Variants in CACNB2 observed in about 807,000 individuals in gnomAD.
The protein encoded by CACNB2 is voltage-dependent L-type calcium channel subunit beta-2.
CACNB2 carries 42 observed loss-of-function variants against 73.3 expected under a neutral mutation model. The observed-to-expected ratio is 0.57, with a 90% CI of 0.45 to 0.74. CACNB2 has a LOEUF of 0.74. Among genes scored for constraint, CACNB2 ranks in the 30% least tolerant of loss-of-function variants. The pLI, the probability that CACNB2 is intolerant of heterozygous loss-of-function variation, is 0.00. For synonymous variants in CACNB2, 348 were observed against 310.3 expected (o/e 1.12, Z -1.28); for missense variants, 940 against 853.0 (o/e 1.10, Z -1.27).
intron 11 of CACNB2, among the ~76,000 whole-genome samples, chr10:18,534,632 T>A (rs570769803): frequency 2.6e-5 from 4 of 152,376 alleles, no homozygotes; most frequent in Admixed American, 1.3e-4. Flanking sequence ...GCCACCATGC[T>A]TTCGCAGTTT....
At chr10:18,356,639 A>AT (rs199790817) in intron 2 of CACNB2, among the ~76,000 whole-genome samples, 4,729 of 144,252 alleles carry the variant, frequency 0.033, 127 homozygotes, top group African/African-American at 0.069. Context: ...TTTCTCCTTC[A>AT]TTTTTTTTTT....
intron 2 of CACNB2, among the ~76,000 whole-genome samples, chr10:18,216,158 G>A (rs2035503621): frequency 6.6e-6 from 1 of 151,482 alleles, no homozygotes; most frequent in East Asian, 1.9e-4. Context: ...ATAGCCAAAT[G>A]TGTTGGTGCA....
chr10:18,428,846 A>G (rs2045739348), intron 3 of CACNB2, among the ~76,000 whole-genome samples: 1 of 152,244 alleles, frequency 6.6e-6, no homozygotes, highest in South Asian at 2.1e-4. Flanking sequence ...TTAACCAGTT[A>G]AGGACTTTGG....
intron 2 of CACNB2, among the ~76,000 whole-genome samples, chr10:18,221,785 A>G (rs1456258086): frequency 6.6e-6 from 1 of 152,250 alleles, no homozygotes. Context: ...TGAAAATCAT[A>G]TCTTTCTCTC....
chr10:18,222,125 C>G (rs1034303302), intron 2 of CACNB2, among the ~76,000 whole-genome samples: 1 of 152,158 alleles, frequency 6.6e-6, no homozygotes, highest in South Asian at 2.1e-4. Context: ...ACACCTGTGA[C>G]GTGTCCTGCC....
intron 2 of CACNB2, among the ~76,000 whole-genome samples, chr10:18,234,621 G>T (rs1157724993): frequency 6.6e-6 from 1 of 152,176 alleles, no homozygotes; most frequent in Non-Finnish European, 1.5e-5. Context: ...TCACAAAAAG[G>T]ACAAATATGG....
chr10:18,386,399 A>ATTTTTTTTTT (rs10637329), intron 2 of CACNB2, among the ~76,000 whole-genome samples: 19 of 106,518 alleles, frequency 1.8e-4, no homozygotes, highest in East Asian at 3.0e-4. Context: ...TTTATTTATG[A>ATTTTTTTTTT]TTTTTTTTTT....
chr10:18,264,370 G>A (rs977254832), intron 2 of CACNB2, among the ~76,000 whole-genome samples: 1 of 152,180 alleles, frequency 6.6e-6, no homozygotes, highest in Non-Finnish European at 1.5e-5. Flanking sequence ...TATTATCGAA[G>A]TATAACATAC....
chr10:18,434,103 A>C (rs746193745), intron 3 of CACNB2, among the ~76,000 whole-genome samples: 1 of 152,170 alleles, frequency 6.6e-6, no homozygotes, highest in South Asian at 2.1e-4. Flanking sequence ...AACATTGGGA[A>C]TTTTGGCCAT....
intron 2 of CACNB2, among the ~76,000 whole-genome samples, chr10:18,341,830 G>T (rs1282705085): frequency 6.6e-6 from 1 of 152,086 alleles, no homozygotes; most frequent in African/African-American, 2.4e-5. Context: ...CTTCTATGTT[G>T]TATCATATAA....
At chr10:18,464,652 A>C (rs1321454681) in intron 3 of CACNB2, among the ~76,000 whole-genome samples, 2 of 152,072 alleles carry the variant, frequency 1.3e-5, no homozygotes, top group African/African-American at 4.8e-5. Flanking sequence ...TAATAACTCT[A>C]AAATACACCC....
chr10:18,168,505 G>GTGTC (rs2033019271), intron 2 of CACNB2, among the ~76,000 whole-genome samples: 1 of 151,902 alleles, frequency 6.6e-6, no homozygotes. Context: ...CTTTGTGTGT[G>GTGTC]TGTGTGTGTG....
intron 2 of CACNB2, among the ~76,000 whole-genome samples, chr10:18,260,186 A>G (rs1106380): frequency 0.19 from 28,907 of 152,082 alleles, 2,920 homozygotes; most frequent in East Asian, 0.35. Flanking sequence ...TAGGTGTGAC[A>G]TTTACATGGT....
chr10:18,273,009 T>G (rs1048225102), intron 2 of CACNB2, among the ~76,000 whole-genome samples: 8 of 152,228 alleles, frequency 5.3e-5, no homozygotes, highest in Non-Finnish European at 1.2e-4. Flanking sequence ...TAATGTTTAA[T>G]AATCTCTCAA....
chr10:18,225,756 C>T (rs2035968338), intron 2 of CACNB2, among the ~76,000 whole-genome samples: 2 of 152,172 alleles, frequency 1.3e-5, no homozygotes, highest in South Asian at 4.2e-4. Flanking sequence ...CTTCCCACCT[C>T]AGTCACCCTA....
chr10:18,283,142 A>G (rs1588932069), intron 2 of CACNB2, among the ~76,000 whole-genome samples: 2 of 152,322 alleles, frequency 1.3e-5, no homozygotes, highest in East Asian at 3.9e-4. Context: ...CACCAGTTAG[A>G]TGGCAATCAT....
At chr10:18,406,457 G>A (rs565499108) in intron 3 of CACNB2, among the ~76,000 whole-genome samples, 29 of 152,234 alleles carry the variant, frequency 1.9e-4, no homozygotes, top group East Asian at 7.7e-4. Context: ...CCTGAGCTCC[G>A]CCTCCTGTCA....
intron 2 of CACNB2, among the ~76,000 whole-genome samples, chr10:18,371,353 C>T (rs1169614040): frequency 1.3e-5 from 2 of 152,090 alleles, no homozygotes; most frequent in Non-Finnish European, 2.9e-5. Flanking sequence ...CTATCCCTCC[C>T]CCCTTTCCCC....
At chr10:18,307,975 T>C (rs1037332020) in intron 2 of CACNB2, among the ~76,000 whole-genome samples, 1 of 142,396 alleles carries the variant, frequency 7.0e-6, no homozygotes, top group Non-Finnish European at 1.5e-5. Flanking sequence ...TAAAATAATA[T>C]ATGCCAACTT....
Sources: gnomAD v4.1 joint callset for allele counts (sites outside exome capture counted in the v4.1 genomes callset) on GRCh38, gnomAD v4.1.1 for gene constraint, MANE v1.5 for transcripts, NCBI Gene and HGNC (gene_info 2026-07-23, HGNC 2026-07-21) for gene names.